ASTE1: variants seen among roughly 807,000 people sequenced by gnomAD.
The protein encoded by ASTE1 is single-strand DNA endonuclease ASTE1.
In ASTE1, 49 loss-of-function variants were observed where a neutral mutation model predicts 45.8. That is an observed-to-expected ratio of 1.07 (90% confidence interval 0.85 to 1.36). ASTE1 has a LOEUF of 1.36. Ranked by LOEUF, ASTE1 falls within the 40% of genes most tolerant of loss-of-function variation. The pLI is 0.00. For synonymous variants in ASTE1, 296 were observed against 303.9 expected (o/e 0.97, Z 0.27); for missense variants, 709 against 804.0 (o/e 0.88, Z 1.43).
intron 3 of ASTE1, among the ~76,000 whole-genome samples, chr3:131,022,841 T>C (rs1049426877): frequency 3.3e-5 from 5 of 152,170 alleles, no homozygotes; most frequent in East Asian, 1.9e-4. Context: ...GGCTAGTTCC[T>C]GGTCAGCTGT....
rs778079119 is a variant in ASTE1 at position 131,016,196 on chromosome 3, TC to T, written c.1656del (p.Met553CysfsTer16). ...GTGGACAGCAGCTGGTTGAGATACA[TC>T]CCCATCTGGAGACAGGACTGCCACT... ...FCQWQSCLQM[G>X]MYLNQLLSTP... is the part of the protein sequence containing the mutation. On this transcript the variant is annotated frameshift_variant, in exon 5 of 6. Transcript: ENST00000264992. LOFTEE classifies it high-confidence loss of function. The T allele has an allele frequency of 6.4e-5, 104 of 1,614,054 alleles. No homozygotes were observed. Among genetic ancestry groups the T allele is most frequent in the Non-Finnish European group, 8.1e-5 (96 of 1,180,044 alleles).
rs1204703623 is a variant in ASTE1 at position 131,014,164 on chromosome 3, C to T, written c.1933G>A (p.Gly645Arg). Residue 645 changes from glycine to arginine, a missense_variant, in exon 6 of 6, where the codon GGG becomes AGG. Physicochemically the swap from Gly to Arg is moderately radical, Grantham distance 125 (BLOSUM62 -2). Transcript: ENST00000264992. ...CACTTGGTGTGTGCAGTGGTTCTCC[C>T]TCTGTTCTTAGAACAGCTGGTATTC... ...KQNTSCSKNR[G>R]RTTAHTKCWY... The T allele has an allele frequency of 1.9e-6, 3 of 1,613,802 alleles. No individual in the cohort carries two copies. Among genetic ancestry groups the T allele is most frequent in the Non-Finnish European group, 2.5e-6 (3 of 1,179,994 alleles).
Position 131,024,794 on chromosome 3 carries a change from C to G in ASTE1, c.513G>C (p.Gly171=). 6.2e-7 allele frequency: 1 copy of G among 1,614,072 alleles called. No homozygotes were observed. The highest frequency in any genetic ancestry group is 1.1e-5 in the South Asian group (1 of 91,080). ...ACTGAAAGCTATTCAATGGGCAAAA[C>G]CCAGTTTTCAGGTCAAAAATGCAAA... ...SDFCIFDLKT[G]FCPLNSFQWR... is the part of the protein sequence containing the mutation. The change falls in exon 3 of 6, where the codon GGG becomes GGC. Residue 171 remains glycine, a synonymous_variant. Transcript: ENST00000264992.
chr3:131,023,868 T>C, intron 3 of ASTE1, 137 bp downstream of exon 3: 1 of 892,472 alleles, frequency 1.1e-6, no homozygotes, highest in South Asian at 2.1e-5. Context: ...AAGTTCTAGA[T>C]TTCTTAGCTA....
At chr3:131,016,123 A>G (rs759856916) in intron 5 of ASTE1, 21 bp downstream of exon 5, 37 of 1,612,532 alleles carry the variant, frequency 2.3e-5, no homozygotes, top group Non-Finnish European at 2.7e-5. Context: ...CATCTGAACT[A>G]AAGTTTCCCA....
intron 5 of ASTE1, 73 bp from the exon 6 acceptor site, chr3:131,014,460 G>A (rs569324714): frequency 7.1e-7 from 1 of 1,400,054 alleles, no homozygotes; most frequent in East Asian, 2.3e-5. Flanking sequence ...CATTGACATA[G>A]CTTCAACAAA....
rs755873275 is a variant in ASTE1, at chr3:131,016,182, C to G, written c.1671G>C (p.Gln557His). ...SCLQMGMYLN[Q>H]LLSTPLPEPD... The stretch of plus-strand genomic sequence containing the variant: ...GCTCTGGGAGAGGAGTGGACAGCAG[C>G]TGGTTGAGATACATCCCCATCTGGA... Residue 557 changes from glutamine (Q) to histidine (H), a missense_variant, in exon 5 of 6, where the codon CAG becomes CAC. Gln to His is a conservative substitution (Grantham distance 24). Transcript: ENST00000264992. 10 of 1,613,924 alleles carry G rather than the reference C, an allele frequency of 6.2e-6. No homozygotes were observed. The highest frequency in any genetic ancestry group is 1.3e-5 in the African/African-American group (1 of 74,866).
At chr3:131,022,129 G>A (rs2063750227) in intron 3 of ASTE1, among the ~76,000 whole-genome samples, 1 of 152,154 alleles carries the variant, frequency 6.6e-6, no homozygotes, top group South Asian at 2.1e-4. Flanking sequence ...ACCTGATGGG[G>A]ACACCATATC....
In ASTE1 at chr3:131,014,320, G is replaced by C; in HGVS notation, c.1777C>G (p.Leu593Val). The C allele has an allele frequency of 6.2e-7, 1 of 1,613,890 alleles. No homozygotes were observed. The highest frequency in any genetic ancestry group is 8.5e-7 in the Non-Finnish European group (1 of 1,179,968). The change falls in exon 6 of 6, where the codon CTC (leucine) becomes GTC (valine). Residue 593 changes from leucine (L) to valine (V), a missense_variant. Coordinates refer to ENST00000264992, the MANE Select transcript of ASTE1 (RefSeq NM_014065.4). ...QLLASTSVES[L>V]LSICPEAKQL... Reference sequence around the variant, plus strand: ...TTAGCCTCAGGACATATGCTCAGGAGACTTTCTACAGAGGTCGATGCTAGC... The same window carrying C: ...TTAGCCTCAGGACATATGCTCAGGACACTTTCTACAGAGGTCGATGCTAGC...
intron 3 of ASTE1, among the ~76,000 whole-genome samples, chr3:131,021,164 C>T (rs892976063): frequency 6.6e-6 from 1 of 151,922 alleles, no homozygotes. Flanking sequence ...AGTGAATAAA[C>T]AATGGGAGAG....
intron 4 of ASTE1, 84 bp from the exon 5 acceptor site, chr3:131,016,423 A>C: frequency 7.0e-7 from 1 of 1,423,658 alleles, no homozygotes; most frequent in South Asian, 1.2e-5. Context: ...TACAAATTCT[A>C]TAAAGAAAGA....
In ASTE1 at chr3:131,024,431, G is replaced by T; in HGVS notation, c.876C>A (p.Leu292=). ...KKDRENVKEL[L]CCSMEEYQQS... is the part of the protein sequence containing the mutation. ...GTTGGTATTCTTCCATGGAACAGCAGAGAAGTTCCTTAACATTTTCTCGAT... is the reference window on the plus strand; with the variant it reads ...GTTGGTATTCTTCCATGGAACAGCATAGAAGTTCCTTAACATTTTCTCGAT... Residue 292 remains leucine (L), a synonymous_variant, in exon 3 of 6, where the codon CTC becomes CTA. Coordinates refer to ENST00000264992, the MANE Select transcript of ASTE1 (RefSeq NM_014065.4). The T allele has an allele frequency of 6.2e-7, 1 of 1,614,212 alleles. No homozygotes were observed. The highest frequency in any genetic ancestry group is 8.5e-7 in the Non-Finnish European group (1 of 1,180,030).
intron 3 of ASTE1, 125 bp downstream of exon 3, chr3:131,023,877 TACG>T (rs2109098650): frequency 1.0e-6 from 1 of 967,428 alleles, no homozygotes; most frequent in South Asian, 2.0e-5. Flanking sequence ...ATTTCTTAGC[TACG>T]ACATGAGGGC....
Position 131,014,378 on chromosome 3 carries a change from A to G in ASTE1, c.1719T>C (p.Ser573=). The G allele has an allele frequency of 6.3e-7, 1 of 1,595,306 alleles. No homozygotes were observed. Among genetic ancestry groups the G allele is most frequent in the South Asian group, 1.2e-5 (1 of 86,818 alleles). The part of the protein sequence containing the change: ...LPEPDLTRLY[S]GSLVHGLCQQ... ...GGCATAGTCCGTGCACCAGGCTTCCACTGTACAGTCTGTTCAAAGCAAGAA... is the reference window on the plus strand; with the variant it reads ...GGCATAGTCCGTGCACCAGGCTTCCGCTGTACAGTCTGTTCAAAGCAAGAA... The change falls in exon 6 of 6, where the codon AGT becomes AGC. Residue 573 remains serine (S), a synonymous_variant. Coordinates refer to ENST00000264992, the MANE Select transcript of ASTE1 (RefSeq NM_014065.4).
chr3:131,015,294 A>T, intron 5 of ASTE1: 1 of 689,408 alleles, frequency 1.5e-6, no homozygotes, highest in Non-Finnish European at 2.6e-6. Context: ...CCCTCCCCCC[A>T]CAGAGTTTAC....
Position 131,024,606 on chromosome 3 carries a change from G to A in ASTE1, c.701C>T (p.Thr234Ile), listed in dbSNP as rs2063785070. Residue 234 changes from threonine to isoleucine, a missense_variant, in exon 3 of 6, where the codon ACA becomes ATA. Coordinates refer to ENST00000264992, the MANE Select transcript of ASTE1 (RefSeq NM_014065.4). ...AGGAAGACGCGCTTTACTTAAGAAT[G>A]TCTCCATGATGGGTAGATTAACATG... is the stretch of plus-strand genomic sequence containing the variant. ...NDHVNLPIME[T>I]FLSKARLPLG... The A allele has an allele frequency of 3.1e-6, 5 of 1,611,050 alleles. No homozygotes were observed. The highest frequency in any genetic ancestry group is 4.2e-6 in the Non-Finnish European group (5 of 1,178,370).
rs141566487 is a variant in ASTE1 at position 131,025,240 on chromosome 3, A to T, written c.67T>A (p.Leu23Met). The T allele has an allele frequency of 7.4e-6, 12 of 1,614,086 alleles. No homozygotes were observed. In the African/African-American group the frequency reaches 1.5e-4, roughly 20 times the overall value. Reference protein sequence around the residue: ...HSNEFFTDLKLRDTKIVIDGY... With the variant: ...HSNEFFTDLKMRDTKIVIDGY... The stretch of plus-strand genomic sequence containing the variant: ...TCAATGACAATTTTTGTGTCCCGCA[A>T]CTTCAAATCAGTGAAGAACTCATTA... The change falls in exon 3 of 6, where the codon TTG becomes ATG. Residue 23 changes from leucine to methionine, a missense_variant. Transcript: ENST00000264992.
intron 4 of ASTE1, chr3:131,016,582 T>A: frequency 1.9e-6 from 1 of 526,754 alleles, no homozygotes; most frequent in Non-Finnish European, 3.4e-6. Flanking sequence ...TGAAATAAGA[T>A]CTTTTCCACT....
chr3:131,018,658 A>C lies in ASTE1; in HGVS notation c.1361T>G (p.Ile454Ser), dbSNP rs1276225630. The change falls in exon 4 of 6, where the codon ATT becomes AGT. Residue 454 changes from isoleucine to serine, a missense_variant. By Grantham distance (142) the Ile-to-Ser change is moderately radical. Transcript: ENST00000264992. ...LLETLKVKQTILEPIPTSLKL... is the reference protein window; with the variant it reads ...LLETLKVKQTSLEPIPTSLKL... ...CAGTGAAGTAGGGATTGGCTCCAGA[A>C]TGGTCTGTTTCACCTTCAGGGTTTC... 6.2e-7 allele frequency: 1 copy of C among 1,614,068 alleles called. No homozygotes were observed. Among genetic ancestry groups the C allele is most frequent in the South Asian group, 1.1e-5 (1 of 91,070 alleles).
Sources: allele counts gnomAD v4.1 joint callset (sites outside exome capture counted in the v4.1 genomes callset), GRCh38; gene constraint gnomAD v4.1.1; transcripts MANE v1.5; gene names NCBI Gene and HGNC (gene_info 2026-07-23, HGNC 2026-07-21).